Variants in CSNK1D observed in about 807,000 individuals in gnomAD.
The protein encoded by CSNK1D is casein kinase 1 delta.
A neutral mutation model predicts 46.6 loss-of-function variants in CSNK1D; 16 were observed. That is an observed-to-expected ratio of 0.34 (90% CI 0.23 to 0.52). The LOEUF (loss-of-function observed/expected upper bound fraction) is 0.52. CSNK1D is among the 20% of genes least tolerant of loss of function. The pLI, the probability that CSNK1D is intolerant of heterozygous loss-of-function variation, is 0.95. For missense variants in CSNK1D, 398 were observed against 578.4 expected, an observed-to-expected ratio of 0.69 and a Z score of 3.20; for synonymous variants, 276 against 228.2, an observed-to-expected ratio of 1.21 and a Z score of -1.89.
At chr17:82,264,564 T>C (rs560314037) in intron 2 of CSNK1D, among the ~76,000 whole-genome samples, 29 of 152,236 alleles carry the variant, frequency 1.9e-4, no homozygotes, top group African/African-American at 6.3e-4. Flanking sequence ...GAAGAGGTCA[T>C]GATGGTCGCC....
rs1599584238 is a variant in CSNK1D, at chr17:82,250,319, A to T, written c.886-717T>A. On this transcript the variant is annotated intron_variant, in intron 6 of 8. Coordinates refer to ENST00000314028, the MANE Select transcript of CSNK1D (RefSeq NM_001893.6). The surrounding 1 kb of genome is among the most constrained non-coding windows in gnomAD (Gnocchi z 4.6). ...GCCACGTTCACCAGGCAACACACAG[A>T]CCGACACACCTGCGGCTGCAGCACC... is the stretch of plus-strand genomic sequence containing the variant. The T allele has an allele frequency of 1.5e-6, 1 of 686,478 alleles. No individual in the cohort carries two copies. The highest frequency in any genetic ancestry group is 2.2e-6 in the Non-Finnish European group (1 of 448,786). The allele number at this position is 686,478 out of a possible 1,614,324, so 42.5% of individuals were successfully genotyped here. A position where few individuals can be genotyped will look rare whatever the true frequency, so the allele number is the denominator to read the frequency against.
In CSNK1D at chr17:82,249,294, T is replaced by C. The variant is rs529167956; in HGVS notation, c.1057+137A>G. The C allele has an allele frequency of 1.1e-5, 11 of 990,562 alleles. No individual in the cohort carries two copies. Among genetic ancestry groups the C allele is most frequent in the Admixed American group, 7.7e-5 (3 of 38,836 alleles). The allele number at this position is 990,562 out of a possible 1,614,324, so 61.4% of individuals were successfully genotyped here. ...AAAGGCGCCTGGGCAGCCTGGCTCA[T>C]CCACCCTCAGGAGCGAGCATCGCCT... On this transcript the variant is annotated intron_variant, in intron 7 of 8. Transcript: ENST00000314028. The surrounding 1 kb of genome is among the most constrained non-coding windows in gnomAD (Gnocchi z 6.7).
Position 82,243,630 on chromosome 17 carries a change from C to T in CSNK1D, c.*1151G>A. On this transcript the variant is annotated 3_prime_UTR_variant, in exon 9 of 9. Coordinates refer to ENST00000314028, the MANE Select transcript of CSNK1D (RefSeq NM_001893.6). The stretch of plus-strand genomic sequence containing the variant: ...TGGGTCCGGTTGGGAGAGTCACCTG[C>T]TCCTTGGCACCTCAGGGTGGGTCCT... 1.0e-6 allele frequency: 1 copy of T among 985,528 alleles called. No individual in the cohort carries two copies. The allele number at this position is 985,528 out of a possible 1,614,324, so 61.0% of individuals were successfully genotyped here.
intron 8 of CSNK1D, chr17:82,247,438 C>T: frequency 1.0e-6 from 1 of 985,500 alleles, no homozygotes; most frequent in Non-Finnish European, 1.2e-6. Flanking sequence ...ACTTTACTTT[C>T]TTTAAAAGAA....
rs1043862173 is a variant in CSNK1D, at chr17:82,251,040, G to A, written c.885+339C>T. On this transcript the variant is annotated intron_variant, in intron 6 of 8. Coordinates refer to ENST00000314028, the MANE Select transcript of CSNK1D (RefSeq NM_001893.6). This position sits in a 1 kb window ranked among gnomAD's most constrained non-coding sequence, Gnocchi z 4.5. ...GGGCACCACGACCATGTGGCACAGC[G>A]AATGGGAATGCGCACCCCCAGCCCC... The A allele has an allele frequency of 1.9e-5, 7 of 370,216 alleles. No individual in the cohort carries two copies. The highest frequency in any genetic ancestry group is 1.6e-5 in the Non-Finnish European group (3 of 193,420). 22.9% of individuals were successfully genotyped at this position (370,216 alleles called of 1,614,324 possible). A position where few individuals can be genotyped will look rare whatever the true frequency, so the allele number is the denominator to read the frequency against.
chr17:82,246,520 G>GC (rs1346880007), intron 8 of CSNK1D: 4 of 1,067,536 alleles, frequency 3.7e-6, no homozygotes, highest in South Asian at 5.6e-5. Flanking sequence ...AACAGACTCA[G>GC]CAACTAGATG....
intron 1 of CSNK1D, among the ~76,000 whole-genome samples, chr17:82,272,662 G>A (rs1273826158): frequency 6.6e-6 from 1 of 152,220 alleles, no homozygotes; most frequent in Non-Finnish European, 1.5e-5. Flanking sequence ...CCCAGCGGGA[G>A]GGCAAGCCCC....
Position 82,242,805 on chromosome 17 carries a change from G to T in CSNK1D, c.*1976C>A. 1.0e-6 allele frequency: 1 copy of T among 985,478 alleles called. No individual in the cohort carries two copies. The highest frequency in any genetic ancestry group is 1.2e-6 in the Non-Finnish European group (1 of 829,948). The allele number at this position is 985,478 out of a possible 1,614,324, so 61.0% of individuals were successfully genotyped here. A position where few individuals can be genotyped will look rare whatever the true frequency, so the allele number is the denominator to read the frequency against. On this transcript the variant is annotated 3_prime_UTR_variant, in exon 9 of 9. Transcript: ENST00000314028. ...CGTCCTACCTACGTCTCCTGCACGGGGCGACGGGGACTAGATACTGGGCAA... is the reference window on the plus strand; with the variant it reads ...CGTCCTACCTACGTCTCCTGCACGGTGCGACGGGGACTAGATACTGGGCAA...
In CSNK1D at chr17:82,248,689, A is replaced by T. The variant is rs1315459514; in HGVS notation, c.1197+186T>A. ...CAGGAGACAAGCCCCATGACGGCCCAGCATGTCTCCCAGGCCCTCCCGAGA... is the reference window on the plus strand; with the variant it reads ...CAGGAGACAAGCCCCATGACGGCCCTGCATGTCTCCCAGGCCCTCCCGAGA... On this transcript the variant is annotated intron_variant, in intron 8 of 8. Coordinates refer to ENST00000314028, the MANE Select transcript of CSNK1D (RefSeq NM_001893.6). This position sits in a 1 kb window ranked among gnomAD's most constrained non-coding sequence, Gnocchi z 4.1. 1.4e-6 allele frequency: 2 copies of T among 1,430,038 alleles called. No individual in the cohort carries two copies. The highest frequency in any genetic ancestry group is 2.9e-5 in the South Asian group (2 of 68,002). 88.6% of individuals were successfully genotyped at this position (1,430,038 alleles called of 1,614,324 possible). A position where few individuals can be genotyped will look rare whatever the true frequency, so the allele number is the denominator to read the frequency against.
In CSNK1D at chr17:82,251,400, G is replaced by A. The variant is rs148622760; in HGVS notation, c.864C>T (p.Phe288=). The A allele has an allele frequency of 6.1e-4, 986 of 1,613,982 alleles. 4 individuals are homozygous for A. Among genetic ancestry groups the A allele is most frequent in the Admixed American group, 1.2e-3 (72 of 59,986 alleles). Residue 288 remains phenylalanine (F), a synonymous_variant, in exon 6 of 9, where the codon TTC becomes TTT. Coordinates refer to ENST00000314028, the MANE Select transcript of CSNK1D (RefSeq NM_001893.6). The surrounding 1 kb of genome is among the most constrained non-coding windows in gnomAD (Gnocchi z 4.5). ...TTACAAATTTGAGCATGTTCCAGTC[G>A]AACACGTAGTCATAGGAGAAGCCCT... is the stretch of plus-strand genomic sequence containing the variant. ...HRQGFSYDYV[F]DWNMLKFGAS...
Position 82,255,899 on chromosome 17 carries a change from G to T in CSNK1D, c.188-322C>A, listed in dbSNP as rs1200464042. ...GGCAGGAGACACAGAAAGCAGCCAC[G>T]ATGTGGGAAAGAAAAGAGCTCAGGC... On this transcript the variant is annotated intron_variant, in intron 2 of 8. Transcript: ENST00000314028. The surrounding 1 kb of genome is among the most constrained non-coding windows in gnomAD (Gnocchi z 5.9). Among the ~76,000 whole-genome samples, 1 of 152,198 alleles carries T rather than the reference G, an allele frequency of 6.6e-6. No individual in the cohort carries two copies. Among genetic ancestry groups the T allele is most frequent in the African/African-American group, 2.4e-5 (1 of 41,446 alleles).
In CSNK1D at chr17:82,251,022, A is replaced by T. The variant is rs745920043; in HGVS notation, c.885+357T>A. 8 of 352,470 alleles carry T rather than the reference A, an allele frequency of 2.3e-5. No individual in the cohort carries two copies. Among genetic ancestry groups the T allele is most frequent in the Non-Finnish European group, 4.4e-5 (8 of 182,714 alleles). 21.8% of individuals were successfully genotyped at this position (352,470 alleles called of 1,614,324 possible). ...CAACCCCACTCATCTCGTGGGCACC[A>T]CGACCATGTGGCACAGCGAATGGGA... On this transcript the variant is annotated intron_variant, in intron 6 of 8. Coordinates refer to ENST00000314028, the MANE Select transcript of CSNK1D (RefSeq NM_001893.6). This position sits in a 1 kb window ranked among gnomAD's most constrained non-coding sequence, Gnocchi z 4.5.
At chr17:82,265,647 C>A in intron 2 of CSNK1D, 39 bp downstream of exon 2, 2 of 1,504,540 alleles carry the variant, frequency 1.3e-6, no homozygotes, top group Non-Finnish European at 1.9e-6. Flanking sequence ...CCTTGTCAAA[C>A]AGAACCCTGG....
intron 8 of CSNK1D, chr17:82,245,711 G>A (rs747901897): frequency 8.4e-5 from 41 of 489,780 alleles, no homozygotes; most frequent in Non-Finnish European, 1.4e-4. Context: ...CACACGGAAC[G>A]CAGTCACGGG....
chr17:82,259,260 T>C (rs900828464), intron 2 of CSNK1D, among the ~76,000 whole-genome samples: 1 of 152,254 alleles, frequency 6.6e-6, no homozygotes, highest in Admixed American at 6.5e-5. Context: ...AATTAAATTG[T>C]TGGTTTAACA....
In CSNK1D at chr17:82,250,333, G is replaced by A. The variant is rs182284400; in HGVS notation, c.886-731C>T. The A allele has an allele frequency of 1.4e-3, 856 of 612,878 alleles. 3 individuals are homozygous for A. Among genetic ancestry groups the A allele is most frequent in the African/African-American group, 0.012 (636 of 52,734 alleles). 38.0% of individuals were successfully genotyped at this position (612,878 alleles called of 1,614,324 possible). On this transcript the variant is annotated intron_variant, in intron 6 of 8. Coordinates refer to ENST00000314028, the MANE Select transcript of CSNK1D (RefSeq NM_001893.6). The surrounding 1 kb of genome is among the most constrained non-coding windows in gnomAD (Gnocchi z 4.6). ...GCAACACACAGACCGACACACCTGC[G>A]GCTGCAGCACCGTGCGGCCAGCACC...
At chr17:82,260,186 G>C (rs1481637437) in intron 2 of CSNK1D, among the ~76,000 whole-genome samples, 3 of 150,106 alleles carry the variant, frequency 2.0e-5, no homozygotes, top group Non-Finnish European at 4.4e-5. Flanking sequence ...ATGGTGTACT[G>C]AGTGGTGACT....
chr17:82,248,110 G>GTTCAT lies in CSNK1D; in HGVS notation c.1197+764_1197+765insATGAA, dbSNP rs2050897376. 4.1e-6 allele frequency: 4 copies of GTTCAT among 985,332 alleles called. No individual in the cohort carries two copies. The allele number at this position is 985,332 out of a possible 1,614,324, so 61.0% of individuals were successfully genotyped here. ...TCCGGAAGACCCGTGGGGGATCTGG[G>GTTCAT]CACCCCCCAGGATGCCTGCTGGTGA... On this transcript the variant is annotated intron_variant, in intron 8 of 8. Coordinates refer to ENST00000314028, the MANE Select transcript of CSNK1D (RefSeq NM_001893.6). This position sits in a 1 kb window ranked among gnomAD's most constrained non-coding sequence, Gnocchi z 4.1.
chr17:82,251,536 C>T lies in CSNK1D; in HGVS notation c.737-9G>A. The T allele has an allele frequency of 6.2e-7, 1 of 1,613,672 alleles. No homozygotes were observed. On this transcript the variant is annotated splice_polypyrimidine_tract_variant and intron_variant, in intron 5 of 8. Transcript: ENST00000314028. The surrounding 1 kb of genome is among the most constrained non-coding windows in gnomAD (Gnocchi z 4.5). Reference sequence around the variant, plus strand: ...GTATGTGGCAAATTCGGCTACAAAACAAGAAACTCAAAGCTAACTCATGAA... The same window carrying T: ...GTATGTGGCAAATTCGGCTACAAAATAAGAAACTCAAAGCTAACTCATGAA...
Sources: gnomAD v4.1 joint callset for allele counts (sites outside exome capture counted in the v4.1 genomes callset) on GRCh38, gnomAD v4.1.1 for gene constraint, Gnocchi (gnomAD v3.1) non-coding constraint, MANE v1.5 for transcripts, NCBI Gene and HGNC (gene_info 2026-07-23, HGNC 2026-07-21) for gene names.